MCTP2: variants seen among roughly 807,000 people sequenced by gnomAD.
MCTP2 encodes the protein multiple C2 and transmembrane domain containing 2, also known as multiple C2 and transmembrane domain-containing protein 2.
A neutral mutation model predicts 111.6 loss-of-function variants in MCTP2; 132 were observed. The observed-to-expected ratio is 1.18, with a 90% CI of 1.03 to 1.37. The LOEUF (loss-of-function observed/expected upper bound fraction) is 1.37, where lower values mean the gene tolerates loss of function less well. Ranked by LOEUF, MCTP2 falls within the 40% of genes most tolerant of loss-of-function variation. The pLI, the probability that MCTP2 is intolerant of heterozygous loss-of-function variation, is 0.00. For synonymous variants in MCTP2, 395 were observed against 387.7 expected, an observed-to-expected ratio of 1.02 and a Z score of -0.22; for missense variants, 1,183 against 1,067.9, an observed-to-expected ratio of 1.11 and a Z score of -1.50.
chr15:94,243,361 GTATATGCGTATGTACA>G (rs1477089440), intron 1 of MCTP2, among the ~76,000 whole-genome samples: 60 of 142,694 alleles, frequency 4.2e-4, no homozygotes, highest in Admixed American at 6.3e-4. Context: ...ATACGTATGC[GTATATGCGTATGTACA>G]TACATACGTA....
At chr15:94,427,983 A>G (rs554339787) in intron 17 of MCTP2, among the ~76,000 whole-genome samples, 2 of 152,184 alleles carry the variant, frequency 1.3e-5, no homozygotes, top group African/African-American at 4.8e-5. Flanking sequence ...ACCCCTCCCA[A>G]TTTGTAGGCT....
chr15:94,349,964 G>T (rs763671827), intron 8 of MCTP2, among the ~76,000 whole-genome samples: 1 of 152,134 alleles, frequency 6.6e-6, no homozygotes, highest in African/African-American at 2.4e-5. Context: ...CTTGCTTTTC[G>T]GTGTGTCCCC....
intron 14 of MCTP2, among the ~76,000 whole-genome samples, chr15:94,396,832 A>C (rs1380575723): frequency 6.6e-6 from 1 of 152,210 alleles, no homozygotes; most frequent in Non-Finnish European, 1.5e-5. Flanking sequence ...ATTATATAGC[A>C]GTATAAAAAA....
At chr15:94,347,918 ATACACT>A (rs1014171763) in intron 8 of MCTP2, among the ~76,000 whole-genome samples, 3 of 130,734 alleles carry the variant, frequency 2.3e-5, no homozygotes, top group Non-Finnish European at 4.9e-5. Context: ...ACACACACAC[ATACACT>A]CCCCACACCC....
intron 12 of MCTP2, among the ~76,000 whole-genome samples, chr15:94,379,307 T>C (rs16974355): frequency 0.031 from 4,696 of 151,832 alleles, 229 homozygotes; most frequent in African/African-American, 0.11. Flanking sequence ...AGAGAGAAAA[T>C]ATAGATTTCC....
intron 2 of MCTP2, 73 bp downstream of exon 2, chr15:94,298,803 T>C (rs1259666617): frequency 7.4e-6 from 7 of 946,484 alleles, no homozygotes; most frequent in African/African-American, 4.0e-5. Context: ...TCTCCCTCTC[T>C]CCCCATCTCC....
chr15:94,289,076 A>G (rs1393440580), intron 1 of MCTP2, among the ~76,000 whole-genome samples: 1 of 152,234 alleles, frequency 6.6e-6, no homozygotes, highest in Admixed American at 6.5e-5. Context: ...AGGAAAGGAG[A>G]AAGTGAGTAA....
At chr15:94,390,240 G>T (rs1011710548) in intron 14 of MCTP2, among the ~76,000 whole-genome samples, 2 of 151,202 alleles carry the variant, frequency 1.3e-5, no homozygotes, top group Non-Finnish European at 2.9e-5. Flanking sequence ...TATAGATATA[G>T]AATACTTTTT....
At chr15:94,263,831 T>C (rs2073347569) in intron 1 of MCTP2, among the ~76,000 whole-genome samples, 1 of 152,236 alleles carries the variant, frequency 6.6e-6, no homozygotes, top group Non-Finnish European at 1.5e-5. Flanking sequence ...TGTGGGGTTA[T>C]AAAGAAACTT....
chr15:94,386,594 C>T (rs1304167520), intron 14 of MCTP2, among the ~76,000 whole-genome samples: 3 of 152,224 alleles, frequency 2.0e-5, no homozygotes, highest in Non-Finnish European at 2.9e-5. Context: ...CCATCGGCAC[C>T]AGCCGAGCAG....
intron 10 of MCTP2, among the ~76,000 whole-genome samples, chr15:94,360,119 C>T (rs751354595): frequency 1.4e-4 from 22 of 152,296 alleles, no homozygotes; most frequent in Middle Eastern, 6.8e-3. Context: ...CCTAGGGGAC[C>T]AGCACTGCCC....
chr15:94,324,360 A>C (rs1483760823), intron 4 of MCTP2, among the ~76,000 whole-genome samples: 1 of 152,252 alleles, frequency 6.6e-6, no homozygotes, highest in African/African-American at 2.4e-5. Flanking sequence ...AGGCCGCTGT[A>C]GTAGTTTACC....
At chr15:94,409,619 A>G (rs2082062866) in intron 17 of MCTP2, among the ~76,000 whole-genome samples, 2 of 152,052 alleles carry the variant, frequency 1.3e-5, no homozygotes, top group Admixed American at 1.3e-4. Context: ...ATCTTAAAGA[A>G]AAGACTCCAG....
intron 18 of MCTP2, among the ~76,000 whole-genome samples, chr15:94,442,161 C>T (rs117441412): frequency 0.019 from 2,927 of 152,278 alleles, 47 homozygotes; most frequent in Non-Finnish European, 0.029. Context: ...GAAAATAGAC[C>T]GTGTTGTCTA....
At chr15:94,303,064 A>ATATATATATAGTTTAGTT (rs2075703376) in intron 2 of MCTP2, among the ~76,000 whole-genome samples, 1 of 125,924 alleles carries the variant, frequency 7.9e-6, no homozygotes, top group African/African-American at 3.0e-5. Flanking sequence ...CTAATGGAAT[A>ATATATATATAGTTTAGTT]TATATATATA....
chr15:94,369,961 A>ATT (rs35497644), intron 11 of MCTP2, 126 bp from the exon 12 acceptor site: 264 of 521,152 alleles, frequency 5.1e-4, no homozygotes, highest in East Asian at 4.2e-3. Flanking sequence ...ATTTTTGGGG[A>ATT]TTTTTTTTTA....
intron 4 of MCTP2, 32 bp from the exon 5 acceptor site, chr15:94,339,258 A>C: frequency 6.5e-7 from 1 of 1,528,732 alleles, no homozygotes; most frequent in Non-Finnish European, 8.9e-7. Flanking sequence ...ATGTATTTTA[A>C]AATTCTGTCT....
At chr15:94,307,920 C>T (rs939675407) in intron 2 of MCTP2, among the ~76,000 whole-genome samples, 10 of 152,108 alleles carry the variant, frequency 6.6e-5, no homozygotes, top group African/African-American at 2.4e-4. Flanking sequence ...TTGATCCACT[C>T]TTCCCAAACA....
intron 14 of MCTP2, among the ~76,000 whole-genome samples, chr15:94,386,577 C>A (rs1019330229): frequency 6.6e-6 from 1 of 152,244 alleles, no homozygotes; most frequent in African/African-American, 2.4e-5. Flanking sequence ...CTGCCACATG[C>A]TCTGAGCCAT....
Sources: gnomAD v4.1 joint callset for allele counts (sites outside exome capture counted in the v4.1 genomes callset) on GRCh38, gnomAD v4.1.1 for gene constraint, MANE v1.5 for transcripts, NCBI Gene and HGNC (gene_info 2026-07-23, HGNC 2026-07-21) for gene names.